Variants in ZBBX observed in about 807,000 individuals in gnomAD.
ZBBX encodes the protein zinc finger B-box domain-containing protein 1.
A neutral mutation model predicts 108.5 loss-of-function variants in ZBBX; 101 were observed. The observed-to-expected ratio is 0.93, with a 90% CI of 0.79 to 1.10. ZBBX has a LOEUF of 1.10. ZBBX is among the 50% of genes least tolerant of loss of function. The probability of loss-of-function intolerance (pLI) is 0.00; values close to 1 mark genes in which losing one functional copy is unlikely to be tolerated. For missense variants in ZBBX, 1,009 were observed against 941.4 expected, an observed-to-expected ratio of 1.07 and a Z score of -0.94; for synonymous variants, 356 against 323.4, an observed-to-expected ratio of 1.10 and a Z score of -1.08.
intron 9 of ZBBX, among the ~76,000 whole-genome samples, chr3:167,349,736 C>T (rs1314237502): frequency 3.3e-5 from 5 of 151,956 alleles, no homozygotes; most frequent in African/African-American, 1.2e-4. Flanking sequence ...CATACCCTGC[C>T]TTCTAGAAAG....
intron 2 of ZBBX, among the ~76,000 whole-genome samples, chr3:167,374,139 T>A (rs191861322): frequency 7.8e-4 from 118 of 151,696 alleles, no homozygotes; most frequent in Admixed American, 2.5e-3. Flanking sequence ...AATATCCTTT[T>A]TATATATATA....
chr3:167,364,186 C>CAA (rs542126583), intron 6 of ZBBX, among the ~76,000 whole-genome samples: 5 of 137,510 alleles, frequency 3.6e-5, no homozygotes, highest in African/African-American at 1.3e-4. Flanking sequence ...ATATCTTTAG[C>CAA]AAAAAAAAAA....
rs146656147 is a variant in ZBBX at position 167,352,499 on chromosome 3, C to T, written c.433-1984G>A. 1.6e-3 allele frequency among the ~76,000 whole-genome samples: 238 copies of T among 151,740 alleles called. 1 individual carries two copies. The highest frequency in any genetic ancestry group is 5.5e-3 in the African/African-American group (226 of 41,382). ...GTTGTATCAGTAATAAAAATTTTCCCAACAACAAAAAAGCCAAGATCAGAC... is the reference window on the plus strand; with the variant it reads ...GTTGTATCAGTAATAAAAATTTTCCTAACAACAAAAAAGCCAAGATCAGAC... On this transcript the variant is annotated intron_variant, in intron 8 of 21. Coordinates refer to ENST00000675490, the MANE Select transcript of ZBBX (RefSeq NM_001199201.2).
chr3:167,390,194 T>C (rs1411703901), intron 1 of ZBBX, among the ~76,000 whole-genome samples: 1 of 152,154 alleles, frequency 6.6e-6, no homozygotes, highest in African/African-American at 2.4e-5. Context: ...CTAGCCAGTT[T>C]TCCTAGCACC....
intron 1 of ZBBX, 99 bp downstream of exon 1, chr3:167,380,148 C>G (rs913806960): frequency 6.6e-6 from 1 of 152,578 alleles, no homozygotes; most frequent in Non-Finnish European, 1.5e-5. Context: ...GCCGCGCTGC[C>G]CGCTCTGCTC....
At chr3:167,402,936 C>T (rs1047356411) in intron 1 of ZBBX, among the ~76,000 whole-genome samples, 5 of 151,916 alleles carry the variant, frequency 3.3e-5, no homozygotes, top group African/African-American at 4.8e-5. Flanking sequence ...CTGTTAAAGA[C>T]ATAACAAACT....
intron 20 of ZBBX, among the ~76,000 whole-genome samples, chr3:167,279,122 T>C (rs1274447739): frequency 6.6e-6 from 1 of 151,642 alleles, no homozygotes; most frequent in Non-Finnish European, 1.5e-5. Flanking sequence ...GAGCTATCTA[T>C]GACAAACCCA....
intron 5 of ZBBX, among the ~76,000 whole-genome samples, chr3:167,367,150 G>A (rs1745443882): frequency 6.6e-6 from 1 of 151,892 alleles, no homozygotes; most frequent in African/African-American, 2.4e-5. Context: ...TATACAAACA[G>A]TTTGGTGATA....
intron 20 of ZBBX, among the ~76,000 whole-genome samples, chr3:167,258,470 C>T (rs1186048827): frequency 5.9e-5 from 9 of 152,104 alleles, no homozygotes; most frequent in Admixed American, 5.2e-4. Flanking sequence ...AGTTTGCCTT[C>T]GTCTTTACTG....
intron 20 of ZBBX, among the ~76,000 whole-genome samples, chr3:167,280,999 C>G (rs536136323): frequency 1.8e-4 from 28 of 152,144 alleles, no homozygotes; most frequent in African/African-American, 5.8e-4. Flanking sequence ...TAAACTATTG[C>G]AAGAACAAAA....
At chr3:167,187,711 C>G in the ZBBX span, among the ~76,000 whole-genome samples, 1 of 152,176 alleles carries the variant, frequency 6.6e-6, no homozygotes, top group African/African-American at 2.4e-5. Flanking sequence ...ACAAATATGT[C>G]TGAAGCAGAC....
the ZBBX span, among the ~76,000 whole-genome samples, chr3:167,228,378 G>A: frequency 1.3e-5 from 2 of 151,754 alleles, no homozygotes; most frequent in African/African-American, 4.8e-5. Context: ...CACTAAACAT[G>A]TGCACGGTAG....
intron 1 of ZBBX, among the ~76,000 whole-genome samples, chr3:167,406,896 T>C (rs1425094983): frequency 6.6e-6 from 1 of 152,196 alleles, no homozygotes; most frequent in African/African-American, 2.4e-5. Context: ...GTATGTAGGA[T>C]TTGGCATTTG....
chr3:167,196,398 TAAAA>T, the ZBBX span, among the ~76,000 whole-genome samples: 2 of 152,170 alleles, frequency 1.3e-5, no homozygotes, highest in South Asian at 4.1e-4. Context: ...ACTTAAATAG[TAAAA>T]CATACCAATC....
At chr3:167,343,704 A>G (rs559058585) in intron 9 of ZBBX, among the ~76,000 whole-genome samples, 1 of 152,058 alleles carries the variant, frequency 6.6e-6, no homozygotes, top group South Asian at 2.1e-4. Context: ...GTTAGACCAA[A>G]AAGTCAGATA....
chr3:167,342,358 T>C (rs1740680156), intron 9 of ZBBX, among the ~76,000 whole-genome samples: 1 of 151,800 alleles, frequency 6.6e-6, no homozygotes, highest in Admixed American at 6.6e-5. Context: ...ATCTTTATGG[T>C]CCCCTCCAAA....
chr3:167,360,643 A>G, intron 7 of ZBBX, 32 bp downstream of exon 7: 2 of 1,225,924 alleles, frequency 1.6e-6, no homozygotes, highest in Non-Finnish European at 2.2e-6. Context: ...GGATGTCTTT[A>G]GCATTTATTA....
At chr3:167,270,087 T>A (rs1430435565) in intron 20 of ZBBX, among the ~76,000 whole-genome samples, 4 of 152,228 alleles carry the variant, frequency 2.6e-5, no homozygotes, top group Non-Finnish European at 5.9e-5. Flanking sequence ...TATCCTCATA[T>A]CAGGAGAGGA....
upstream of ZBBX, among the ~76,000 whole-genome samples, chr3:167,383,842 C>T (rs912938143): frequency 6.6e-6 from 1 of 152,066 alleles, no homozygotes; most frequent in Non-Finnish European, 1.5e-5. Context: ...CGTCTCTGTC[C>T]TTGAGTAATT....
Sources: allele counts gnomAD v4.1 joint callset (sites outside exome capture counted in the v4.1 genomes callset), GRCh38; gene constraint gnomAD v4.1.1; transcripts MANE v1.5; gene names NCBI Gene and HGNC (gene_info 2026-07-23, HGNC 2026-07-21).